Variants in SLC4A10 observed in about 807,000 individuals in gnomAD.
SLC4A10 encodes sodium-driven chloride bicarbonate exchanger.
A neutral mutation model predicts 137.7 loss-of-function variants in SLC4A10; 42 were observed. The ratio of observed to expected loss-of-function variants is 0.30; its 90% CI spans 0.24 to 0.39. SLC4A10 has a LOEUF of 0.39. SLC4A10 is among the 10% of genes least tolerant of loss of function. SLC4A10 has a pLI of 1.00. For missense variants in SLC4A10, 925 were observed against 1,355.0 expected (o/e 0.68, Z 4.98); for synonymous variants, 474 against 464.1 (o/e 1.02, Z -0.27).
intron 16 of SLC4A10, among the ~76,000 whole-genome samples, chr2:161,943,514 C>T (rs1044104535): frequency 1.3e-5 from 2 of 151,908 alleles, no homozygotes; most frequent in African/African-American, 2.4e-5. Context: ...TTTGTGATTT[C>T]TTTTTTCTCA....
intron 1 of SLC4A10, among the ~76,000 whole-genome samples, chr2:161,691,046 CTATA>C (rs1240816080): frequency 6.6e-6 from 1 of 152,008 alleles, no homozygotes; most frequent in Non-Finnish European, 1.5e-5. Context: ...CATATAGACA[CTATA>C]TATGTACATA....
intron 15 of SLC4A10, among the ~76,000 whole-genome samples, chr2:161,912,918 A>T (rs772110591): frequency 6.6e-5 from 1 of 15,130 alleles, no homozygotes; most frequent in East Asian, 2.2e-3. Context: ...AACTGATCCT[A>T]TGTCCAGCTA....
At chr2:161,660,580 C>CTTTCTTTCTTTCT (rs1558968965) in intron 1 of SLC4A10, among the ~76,000 whole-genome samples, 7 of 129,628 alleles carry the variant, frequency 5.4e-5, no homozygotes, top group Non-Finnish European at 5.3e-5. Flanking sequence ...TTCTTTCTTT[C>CTTTCTTTCTTTCT]TTTCTTTCTT....
At chr2:161,716,689 T>C (rs2044930373) in intron 1 of SLC4A10, among the ~76,000 whole-genome samples, 1 of 152,182 alleles carries the variant, frequency 6.6e-6, no homozygotes, top group Non-Finnish European at 1.5e-5. Context: ...ACCAATACCA[T>C]GCTGCTTTGG....
At position 161,732,742 on chromosome 2, in the gene SLC4A10, C is replaced by G. The variant is rs546914116; in HGVS notation, c.49-38231C>G. Among the ~76,000 whole-genome samples the G allele has an allele frequency of 2.0e-5, 3 of 152,288 alleles. 1 individual carries two copies. Among genetic ancestry groups the G allele is most frequent in the South Asian group, 4.1e-4 (2 of 4,826 alleles). On this transcript the variant is annotated intron_variant, in intron 1 of 26. Coordinates refer to ENST00000446997, the MANE Select transcript of SLC4A10 (RefSeq NM_001178015.2). ...CAGGAAAATGTGGGCAAGTTTGGAACTTCCTAGAGACTTGTTGAATGGTTT... is the reference window on the plus strand; with the variant it reads ...CAGGAAAATGTGGGCAAGTTTGGAAGTTCCTAGAGACTTGTTGAATGGTTT...
At position 161,805,263 on chromosome 2, in the gene SLC4A10, C is replaced by G. The variant is rs555770262; in HGVS notation, c.277+668C>G. ...ATTATTCAATTAACTCCCACTGGGT[C>G]CCTCCCACAACACATGGAAAATTCA... is the stretch of plus-strand genomic sequence containing the variant. On this transcript the variant is annotated intron_variant, in intron 3 of 26. Transcript: ENST00000446997. Among the ~76,000 whole-genome samples, 4 of 152,238 alleles carry G rather than the reference C, an allele frequency of 2.6e-5. No homozygotes were observed. The East Asian group carries it at 5.8e-4, about 22-fold the overall frequency.
At chr2:161,635,725 T>C (rs2034297325) in intron 1 of SLC4A10, among the ~76,000 whole-genome samples, 1 of 152,168 alleles carries the variant, frequency 6.6e-6, no homozygotes. Context: ...TTGCTAAACT[T>C]TAATTTTTCA....
At chr2:161,733,940 C>T (rs558288165) in intron 1 of SLC4A10, among the ~76,000 whole-genome samples, 1 of 152,242 alleles carries the variant, frequency 6.6e-6, no homozygotes, top group African/African-American at 2.4e-5. Flanking sequence ...TGCATGGACC[C>T]TGGAAAACCT....
chr2:161,696,758 A>G lies in SLC4A10; in HGVS notation c.48+72192A>G, dbSNP rs1044187456. 1.1e-4 allele frequency among the ~76,000 whole-genome samples: 16 copies of G among 152,212 alleles called. 1 individual carries two copies. The highest frequency in any genetic ancestry group is 3.9e-4 in the African/African-American group (16 of 41,552). The stretch of plus-strand genomic sequence containing the variant: ...CTTTGCTATTGTGAATAATGCCACA[A>G]TAAACATACGTGTGCATGTGTCTTT... On this transcript the variant is annotated intron_variant, in intron 1 of 26. Transcript: ENST00000446997.
intron 3 of SLC4A10, among the ~76,000 whole-genome samples, chr2:161,838,714 C>G (rs1356479724): frequency 6.6e-6 from 1 of 152,112 alleles, no homozygotes; most frequent in Non-Finnish European, 1.5e-5. Flanking sequence ...GTCAAATAAA[C>G]TCAGGAAAAA....
chr2:161,908,569 T>C (rs1050758798), intron 15 of SLC4A10, among the ~76,000 whole-genome samples: 2 of 149,094 alleles, frequency 1.3e-5, no homozygotes, highest in African/African-American at 5.0e-5. Flanking sequence ...ACATGTACCC[T>C]AAAACTTAAA....
chr2:161,905,919 C>A, intron 15 of SLC4A10, 32 bp downstream of exon 15: 1 of 1,546,356 alleles, frequency 6.5e-7, no homozygotes. Context: ...GGCCTTGGGG[C>A]TTTTCTTTTG....
At chr2:161,887,826 G>A (rs62188800) in intron 10 of SLC4A10, among the ~76,000 whole-genome samples, 10,398 of 152,014 alleles carry the variant, frequency 0.068, 453 homozygotes, top group East Asian at 0.13. Flanking sequence ...CCATTTGTCA[G>A]TTTTGGCTTT....
rs1700606209 is a variant in SLC4A10, at chr2:161,984,561, A to G, written c.*1409A>G. The G allele has an allele frequency of 6.6e-6, 1 of 152,104 alleles. No individual in the cohort carries two copies. The highest frequency in any genetic ancestry group is 6.5e-5 in the Admixed American group (1 of 15,268). 9.4% of individuals were successfully genotyped at this position (152,104 alleles called of 1,614,324 possible). A position where few individuals can be genotyped will look rare whatever the true frequency, so the allele number is the denominator to read the frequency against. On this transcript the variant is annotated 3_prime_UTR_variant, in exon 27 of 27. Transcript: ENST00000446997. Reference sequence around the variant, plus strand: ...TGTACTCTGTTGGAAGTGCACATGAAAAGTGAAGAAAAGTTCCTCTTGTGA... The same window carrying G: ...TGTACTCTGTTGGAAGTGCACATGAGAAGTGAAGAAAAGTTCCTCTTGTGA...
intron 1 of SLC4A10, among the ~76,000 whole-genome samples, chr2:161,759,293 A>C (rs1037822278): frequency 2.0e-5 from 3 of 152,046 alleles, no homozygotes; most frequent in South Asian, 2.1e-4. Flanking sequence ...TAATCAATAC[A>C]TCCATCAGCA....
At chr2:161,652,789 C>T (rs1574118007) in intron 1 of SLC4A10, among the ~76,000 whole-genome samples, 1 of 143,202 alleles carries the variant, frequency 7.0e-6, no homozygotes, top group African/African-American at 2.6e-5. Context: ...ACCGTTTATT[C>T]TTTTTTTTTT....
At chr2:161,766,456 C>A (rs1038653386) in intron 1 of SLC4A10, among the ~76,000 whole-genome samples, 1 of 152,068 alleles carries the variant, frequency 6.6e-6, no homozygotes, top group African/African-American at 2.4e-5. Flanking sequence ...GCCTTTTACA[C>A]AAAGCTTTCC....
chr2:161,639,382 A>T (rs1037234174), intron 1 of SLC4A10, among the ~76,000 whole-genome samples: 2 of 152,120 alleles, frequency 1.3e-5, no homozygotes, highest in Non-Finnish European at 2.9e-5. Context: ...CCTGAACAAA[A>T]TATTAGCAAA....
At chr2:161,950,573 C>G in intron 18 of SLC4A10, 114 bp from the exon 19 acceptor site, 1 of 835,682 alleles carries the variant, frequency 1.2e-6, no homozygotes, top group Non-Finnish European at 1.9e-6. Context: ...TATTATAGGC[C>G]ACTCAGCTCC....
Sources: allele counts gnomAD v4.1 joint callset (sites outside exome capture counted in the v4.1 genomes callset), GRCh38; gene constraint gnomAD v4.1.1; transcripts MANE v1.5; gene names NCBI Gene and HGNC (gene_info 2026-07-23, HGNC 2026-07-21).